STRADB: variants seen among roughly 807,000 people sequenced by gnomAD.
STRADB encodes STE20-related kinase adapter protein beta.
A neutral mutation model predicts 52.1 loss-of-function variants in STRADB; 34 were observed. The observed-to-expected ratio is 0.65, with a 90% CI of 0.50 to 0.87. The LOEUF (loss-of-function observed/expected upper bound fraction) is 0.87, where lower values mean the gene tolerates loss of function less well. STRADB is among the 40% of genes least tolerant of loss of function. The pLI is 0.00. For synonymous variants in STRADB, 133 were observed against 174.5 expected, an observed-to-expected ratio of 0.76 and a Z score of 1.87; for missense variants, 340 against 483.9, an observed-to-expected ratio of 0.70 and a Z score of 2.79.
Position 201,479,543 on chromosome 2 carries a change from T to A in STRADB, c.1113+12T>A, listed in dbSNP as rs770791864. On this transcript the variant is annotated intron_variant, in intron 11 of 11. Coordinates refer to ENST00000194530, the MANE Select transcript of STRADB (RefSeq NM_018571.6). ...TTTTCTTCAAACAGGTGAGCTGATC[T>A]ATCATCCGTTGTCTCGATGTTTTTA... 34 of 1,596,844 alleles carry A rather than the reference T, an allele frequency of 2.1e-5. 1 individual carries two copies. In the South Asian group the frequency reaches 3.0e-4, roughly 14 times the overall value.
In STRADB at chr2:201,451,933, GCTA is replaced by G; in HGVS notation, c.-100_-98del. The G allele has an allele frequency of 6.5e-6, 1 of 152,742 alleles. No individual in the cohort carries two copies. Among genetic ancestry groups the G allele is most frequent in the East Asian group, 1.9e-4 (1 of 5,174 alleles). 9.5% of individuals were successfully genotyped at this position (152,742 alleles called of 1,614,324 possible). A position where few individuals can be genotyped will look rare whatever the true frequency, so the allele number is the denominator to read the frequency against. ...AAGAGAGTCGCTGGCCGTGGTCGCC[GCTA>G]GGGTAAAGACGGGAGGCAGGCCCGG... On this transcript the variant is annotated splice_region_variant and 5_prime_UTR_variant, in exon 1 of 12. Transcript: ENST00000194530.
intron 3 of STRADB, among the ~76,000 whole-genome samples, chr2:201,459,816 G>A (rs1952185635): frequency 6.6e-6 from 1 of 152,160 alleles, no homozygotes; most frequent in African/African-American, 2.4e-5. Flanking sequence ...TCTTACTGGT[G>A]TAGAATATGT....
intron 4 of STRADB, among the ~76,000 whole-genome samples, chr2:201,471,036 G>C (rs1046336105): frequency 3.9e-5 from 6 of 152,146 alleles, no homozygotes; most frequent in Non-Finnish European, 8.8e-5. Flanking sequence ...GACGACTGCT[G>C]CTGCTTTGTC....
chr2:201,473,101 A>ATTTT (rs764797823), intron 5 of STRADB, 25 bp downstream of exon 5: 2 of 1,606,338 alleles, frequency 1.2e-6, no homozygotes, highest in African/African-American at 2.7e-5. Flanking sequence ...AAAATGATAC[A>ATTTT]CAGTTGGGCC....
In STRADB at chr2:201,480,353, G is replaced by A. The variant is rs1003500400; in HGVS notation, c.*178G>A. 79 of 1,435,664 alleles carry A rather than the reference G, an allele frequency of 5.5e-5. No individual in the cohort carries two copies. Among genetic ancestry groups the A allele is most frequent in the Non-Finnish European group, 6.6e-5 (72 of 1,098,470 alleles). The allele number at this position is 1,435,664 out of a possible 1,614,324, so 88.9% of individuals were successfully genotyped here. A position where few individuals can be genotyped will look rare whatever the true frequency, so the allele number is the denominator to read the frequency against. ...CACCAGTTTGTAGTCCCTCTGTTTC[G>A]CACAGAGTACTATGACAAGGAAACA... On this transcript the variant is annotated 3_prime_UTR_variant, in exon 12 of 12. Coordinates refer to ENST00000194530, the MANE Select transcript of STRADB (RefSeq NM_018571.6).
intron 1 of STRADB, among the ~76,000 whole-genome samples, chr2:201,452,756 C>G (rs887796656): frequency 1.3e-5 from 2 of 152,210 alleles, no homozygotes; most frequent in Non-Finnish European, 2.9e-5. Flanking sequence ...TAAATTAACT[C>G]AAAACCCGTG....
chr2:201,467,606 C>A (rs1463440071), intron 3 of STRADB, among the ~76,000 whole-genome samples: 3 of 152,288 alleles, frequency 2.0e-5, no homozygotes, highest in African/African-American at 7.2e-5. Context: ...AGTCTTTTGG[C>A]CACTTGCAAA....
At chr2:201,476,820 CAA>C (rs1431600674) in intron 7 of STRADB, among the ~76,000 whole-genome samples, 1 of 132,366 alleles carries the variant, frequency 7.6e-6, no homozygotes, top group Admixed American at 7.6e-5. Context: ...ACTAAAAATA[CAA>C]AAAAAAAAAA....
At chr2:201,471,696 A>C (rs1488974717) in intron 4 of STRADB, among the ~76,000 whole-genome samples, 1 of 152,234 alleles carries the variant, frequency 6.6e-6, no homozygotes, top group Non-Finnish European at 1.5e-5. Context: ...AGGAAGATGT[A>C]GTAGATCAGC....
chr2:201,470,140 G>A (rs960269282), intron 4 of STRADB, 88 bp downstream of exon 4: 2 of 960,502 alleles, frequency 2.1e-6, no homozygotes, highest in South Asian at 1.4e-5. Flanking sequence ...GTGTTTTTCT[G>A]TTGTTACCTC....
At chr2:201,465,675 C>T (rs559553023) in intron 3 of STRADB, among the ~76,000 whole-genome samples, 5 of 152,306 alleles carry the variant, frequency 3.3e-5, no homozygotes, top group Admixed American at 2.0e-4. Flanking sequence ...CCAGGAATTG[C>T]CCTGGAATTG....
At chr2:201,470,460 C>T (rs771478001) in intron 4 of STRADB, among the ~76,000 whole-genome samples, 7 of 152,174 alleles carry the variant, frequency 4.6e-5, no homozygotes, top group Non-Finnish European at 1.5e-5. Flanking sequence ...TAGTAGAAAG[C>T]TTTTTCAGTT....
At chr2:201,476,879 G>A (rs1221150539) in intron 7 of STRADB, among the ~76,000 whole-genome samples, 1 of 147,032 alleles carries the variant, frequency 6.8e-6, no homozygotes, top group Non-Finnish European at 1.5e-5. Context: ...CTACTCAGGA[G>A]GCTGAGGCAG....
Position 201,478,183 on chromosome 2 carries a change from A to G in STRADB, c.817A>G (p.Arg273Gly), listed in dbSNP as rs1477658004. The G allele has an allele frequency of 6.2e-7, 1 of 1,612,684 alleles. No individual in the cohort carries two copies. The highest frequency in any genetic ancestry group is 1.1e-5 in the South Asian group (1 of 90,644). ...SGQVPFQDMH[R>G]TQMLLQKLKG... ...GCAGGTGCCTTTCCAGGACATGCAT[A>G]GAACTCAGGTAAGTGCTGCTAAAAT... Residue 273 changes from arginine (R) to glycine (G), a missense_variant, in exon 9 of 12, where the codon AGA (arginine) becomes GGA (glycine). Arg to Gly is a moderately radical substitution (Grantham distance 125). Transcript: ENST00000194530.
At chr2:201,479,952 C>G in intron 11 of STRADB, 80 bp from the exon 12 acceptor site, 1 of 1,521,690 alleles carries the variant, frequency 6.6e-7, no homozygotes, top group Non-Finnish European at 9.1e-7. Context: ...AACATAAATT[C>G]TTTAAAAGTT....
chr2:201,470,727 C>T (rs904881613), intron 4 of STRADB, among the ~76,000 whole-genome samples: 1 of 152,126 alleles, frequency 6.6e-6, no homozygotes, highest in Non-Finnish European at 1.5e-5. Context: ...ATGGAGCATA[C>T]AACGAACCAC....
chr2:201,477,418 G>GAATTCC (rs1450059222), intron 7 of STRADB, among the ~76,000 whole-genome samples: 3 of 152,306 alleles, frequency 2.0e-5, no homozygotes, highest in African/African-American at 7.2e-5. Context: ...TGGTGCTGTA[G>GAATTCC]TAAGTAGCTG....
chr2:201,465,421 A>G (rs1247484573), intron 3 of STRADB, among the ~76,000 whole-genome samples: 1 of 152,136 alleles, frequency 6.6e-6, no homozygotes, highest in East Asian at 1.9e-4. Flanking sequence ...TGGGGGCCTC[A>G]GGACTCTGCC....
chr2:201,468,097 T>C (rs1039259891), intron 3 of STRADB, among the ~76,000 whole-genome samples: 4 of 128,166 alleles, frequency 3.1e-5, no homozygotes, highest in Non-Finnish European at 6.8e-5. Flanking sequence ...TTTTTTTTTT[T>C]TTTTTTTTTT....
Sources: gnomAD v4.1 joint callset for allele counts (sites outside exome capture counted in the v4.1 genomes callset) on GRCh38, gnomAD v4.1.1 for gene constraint, MANE v1.5 for transcripts, NCBI Gene and HGNC (gene_info 2026-07-23, HGNC 2026-07-21) for gene names.